Variants in AGPAT4 observed in about 807,000 individuals in gnomAD.
AGPAT4 encodes the protein 1-acylglycerol-3-phosphate O-acyltransferase 4.
A neutral mutation model predicts 48.0 loss-of-function variants in AGPAT4; 15 were observed. That is an observed-to-expected ratio of 0.31 (90% confidence interval 0.21 to 0.48). The LOEUF is 0.48. AGPAT4 is among the 20% of genes least tolerant of loss of function. The pLI is 0.99. For synonymous variants in AGPAT4, 178 were observed against 198.7 expected (o/e 0.90, Z 0.88); for missense variants, 314 against 482.5 (o/e 0.65, Z 3.27).
chr6:161,156,734 A>T (rs1310454633), intron 3 of AGPAT4, among the ~76,000 whole-genome samples: 1 of 152,266 alleles, frequency 6.6e-6, no homozygotes, highest in African/African-American at 2.4e-5. Context: ...CATGATGGCC[A>T]TAACACCCAC....
chr6:161,267,124 T>C lies in AGPAT4; in HGVS notation c.-90+6814A>G, dbSNP rs1211118904. On this transcript the variant is annotated intron_variant, in intron 1 of 8. Coordinates refer to ENST00000320285, the MANE Select transcript of AGPAT4 (RefSeq NM_020133.3). This position sits in a 1 kb window ranked among gnomAD's most constrained non-coding sequence, Gnocchi z 5.2. The stretch of plus-strand genomic sequence containing the variant: ...GCAGCTGCTCAGTCAAGTTCAATCC[T>C]GGGTTACACATTGGTTTTGAGAAGA... Among the ~76,000 whole-genome samples the C allele has an allele frequency of 6.6e-6, 1 of 152,206 alleles. No individual in the cohort carries two copies. The highest frequency in any genetic ancestry group is 1.5e-5 in the Non-Finnish European group (1 of 68,026).
Position 161,148,406 on chromosome 6 carries a change from T to A in AGPAT4, c.767+781A>T, listed in dbSNP as rs764727621. On this transcript the variant is annotated intron_variant, in intron 6 of 8. Transcript: ENST00000320285. This position sits in a 1 kb window ranked among gnomAD's most constrained non-coding sequence, Gnocchi z 5.5. The stretch of plus-strand genomic sequence containing the variant: ...GAAAGCCTGGACGTTTGGTGTGGCC[T>A]GGTGGGAATGTAGGGCCCCTGGATT... 5.9e-5 allele frequency among the ~76,000 whole-genome samples: 9 copies of A among 152,234 alleles called. No individual in the cohort carries two copies. The highest frequency in any genetic ancestry group is 1.3e-4 in the Non-Finnish European group (9 of 68,034).
In AGPAT4 at chr6:161,198,727, T is replaced by C. The variant is rs570516564; in HGVS notation, c.179-32310A>G. 6.0e-5 allele frequency among the ~76,000 whole-genome samples: 9 copies of C among 150,740 alleles called. No homozygotes were observed. In the South Asian group the frequency reaches 1.9e-3, roughly 31 times the overall value. On this transcript the variant is annotated intron_variant, in intron 2 of 8. Transcript: ENST00000320285. The surrounding 1 kb of genome is among the most constrained non-coding windows in gnomAD (Gnocchi z 4.3). ...CACATGTAGAAGGAACTCCGCAGAG[T>C]GCTGGGAACACTATATGCAGTCTGT...
intron 5 of AGPAT4, among the ~76,000 whole-genome samples, chr6:161,150,626 T>C (rs1164694361): frequency 1.3e-5 from 2 of 152,200 alleles, no homozygotes; most frequent in Non-Finnish European, 2.9e-5. Context: ...TCTGCTGCCC[T>C]GCAGGAGAGC....
In AGPAT4 at chr6:161,144,459, A is replaced by G. The variant is rs924798599; in HGVS notation, c.843+2065T>C. ...TTAAATGTGAACATAGTTTAGAGGA[A>G]AACACCCTAAGAGACTTTTAACAAG... On this transcript the variant is annotated intron_variant, in intron 7 of 8. Coordinates refer to ENST00000320285, the MANE Select transcript of AGPAT4 (RefSeq NM_020133.3). The surrounding 1 kb of genome is among the most constrained non-coding windows in gnomAD (Gnocchi z 6.6). 9.2e-5 allele frequency among the ~76,000 whole-genome samples: 14 copies of G among 152,152 alleles called. No individual in the cohort carries two copies. Among genetic ancestry groups the G allele is most frequent in the African/African-American group, 3.4e-4 (14 of 41,438 alleles).
At position 161,140,177 on chromosome 6, in the gene AGPAT4, A is replaced by T. The variant is rs1779205728; in HGVS notation, c.844-557T>A. Among the ~76,000 whole-genome samples, 8 of 152,236 alleles carry T rather than the reference A, an allele frequency of 5.3e-5. No individual in the cohort carries two copies. The South Asian group carries it at 1.7e-3, about 32-fold the overall frequency. On this transcript the variant is annotated intron_variant, in intron 7 of 8. Transcript: ENST00000320285. The surrounding 1 kb of genome is among the most constrained non-coding windows in gnomAD (Gnocchi z 6.5). ...CACCTACCACCCTGTTTGCCACTGG[A>T]GGGCTCTGAGGGCCGTGATTCAAGG...
In AGPAT4 at chr6:161,244,224, G is replaced by T. The variant is rs1394425547; in HGVS notation, c.-89-11922C>A. On this transcript the variant is annotated intron_variant, in intron 1 of 8. Transcript: ENST00000320285. The surrounding 1 kb of genome is among the most constrained non-coding windows in gnomAD (Gnocchi z 4.7). ...CAAATACAGAAGACGCAAAGAACAG[G>T]TAGGTCACAGTGCCGTCTGCCTCCC... 2.0e-5 allele frequency among the ~76,000 whole-genome samples: 3 copies of T among 152,174 alleles called. No individual in the cohort carries two copies. Among genetic ancestry groups the T allele is most frequent in the Non-Finnish European group, 4.4e-5 (3 of 68,040 alleles).
intron 2 of AGPAT4, among the ~76,000 whole-genome samples, chr6:161,172,596 C>T (rs1486965557): frequency 1.3e-5 from 2 of 152,156 alleles, no homozygotes; most frequent in Non-Finnish European, 2.9e-5. Context: ...AGGGCTTCTT[C>T]AATATCATAT....
chr6:161,151,347 G>A lies in AGPAT4; in HGVS notation c.664+1999C>T, dbSNP rs140913636. On this transcript the variant is annotated intron_variant, in intron 5 of 8. Transcript: ENST00000320285. ...TGGCGTGCCAGACGCGCCCGAGACC[G>A]GTGTTGGCTGTTCTTGGAGACAGCC... 1.8e-4 allele frequency among the ~76,000 whole-genome samples: 27 copies of A among 152,366 alleles called. No homozygotes were observed. The Middle Eastern group carries it at 0.01, about 58-fold the overall frequency.
intron 1 of AGPAT4, among the ~76,000 whole-genome samples, chr6:161,248,700 A>C (rs191108648): frequency 6.6e-4 from 101 of 152,224 alleles, no homozygotes; most frequent in Non-Finnish European, 1.3e-3. Flanking sequence ...AATATTCCAT[A>C]CTCGTGGATA....
chr6:161,133,066 A>T lies in AGPAT4; in HGVS notation c.*3474T>A, dbSNP rs1295604923. 6.6e-6 allele frequency: 1 copy of T among 152,250 alleles called. No individual in the cohort carries two copies. The highest frequency in any genetic ancestry group is 1.5e-5 in the Non-Finnish European group (1 of 68,040). The allele number at this position is 152,250 out of a possible 1,614,324, so 9.4% of individuals were successfully genotyped here. On this transcript the variant is annotated 3_prime_UTR_variant, in exon 9 of 9. Transcript: ENST00000320285. ...GGACCACTGCTTTAGAGAAAGCTGGATTAAATCTCTTGAGCAGAAGTAGAG... is the reference window on the plus strand; with the variant it reads ...GGACCACTGCTTTAGAGAAAGCTGGTTTAAATCTCTTGAGCAGAAGTAGAG...
At chr6:161,153,621 C>T in intron 4 of AGPAT4, 122 bp from the exon 5 acceptor site, 1 of 1,229,614 alleles carries the variant, frequency 8.1e-7, no homozygotes, top group Non-Finnish European at 1.1e-6. Context: ...TCACACAGGG[C>T]CCCATGGTTA....
rs1782290689 is a variant in AGPAT4, at chr6:161,236,760, G to A, written c.-89-4458C>T. On this transcript the variant is annotated intron_variant, in intron 1 of 8. Transcript: ENST00000320285. The surrounding 1 kb of genome is among the most constrained non-coding windows in gnomAD (Gnocchi z 5.0). The stretch of plus-strand genomic sequence containing the variant: ...AAATACAAAAAAAAAAAAATAGCTG[G>A]ATGTGGTGGTGGGTGTCTGTAATCC... Among the ~76,000 whole-genome samples, 1 of 151,934 alleles carries A rather than the reference G, an allele frequency of 6.6e-6. No individual in the cohort carries two copies. Among genetic ancestry groups the A allele is most frequent in the Admixed American group, 6.6e-5 (1 of 15,254 alleles).
Position 161,200,617 on chromosome 6 carries a change from C to T in AGPAT4, c.178+31419G>A, listed in dbSNP as rs1351727208. ...GGATTACTCTAGAAAGAATTATTGG[C>T]ACCTCTTCTTTTCTTCAATAATCAT... is the stretch of plus-strand genomic sequence containing the variant. On this transcript the variant is annotated intron_variant, in intron 2 of 8. Coordinates refer to ENST00000320285, the MANE Select transcript of AGPAT4 (RefSeq NM_020133.3). The surrounding 1 kb of genome is among the most constrained non-coding windows in gnomAD (Gnocchi z 5.5). Among the ~76,000 whole-genome samples, 1 of 152,160 alleles carries T rather than the reference C, an allele frequency of 6.6e-6. No homozygotes were observed. The highest frequency in any genetic ancestry group is 1.5e-5 in the Non-Finnish European group (1 of 68,018).
chr6:161,273,415 A>G (rs759336971), intron 1 of AGPAT4, among the ~76,000 whole-genome samples: 1 of 152,216 alleles, frequency 6.6e-6, no homozygotes, highest in Non-Finnish European at 1.5e-5. Context: ...AGCAGAGCAG[A>G]AAGCTGCAAA....
rs1781716661 is a variant in AGPAT4, at chr6:161,218,482, CAATTT to C, written c.178+13549_178+13553del. Among the ~76,000 whole-genome samples, 1 of 152,168 alleles carries C rather than the reference CAATTT, an allele frequency of 6.6e-6. No individual in the cohort carries two copies. The highest frequency in any genetic ancestry group is 1.5e-5 in the Non-Finnish European group (1 of 68,030). On this transcript the variant is annotated intron_variant, in intron 2 of 8. Transcript: ENST00000320285. This position sits in a 1 kb window ranked among gnomAD's most constrained non-coding sequence, Gnocchi z 4.7. ...TACTTTACGTTTGTCTAGCACCTTA[CAATTT>C]ATTTCCCTCATCTTACAATTAAAAA...
intron 2 of AGPAT4, among the ~76,000 whole-genome samples, chr6:161,205,335 G>A (rs1781351576): frequency 6.6e-6 from 1 of 152,116 alleles, no homozygotes; most frequent in South Asian, 2.1e-4. Context: ...AGGACACAGG[G>A]CATTCTTAAG....
intron 8 of AGPAT4, 37 bp from the exon 9 acceptor site, chr6:161,136,671 A>G (rs6455706): frequency 1 from 1,586,138 of 1,587,006 alleles, 792,635 homozygotes; most frequent in East Asian, 1. Flanking sequence ...GGAGTAGCCC[A>G]AACAGACTAC....
At chr6:161,209,896 G>A (rs898954142) in intron 2 of AGPAT4, among the ~76,000 whole-genome samples, 2 of 152,172 alleles carry the variant, frequency 1.3e-5, no homozygotes, top group African/African-American at 4.8e-5. Context: ...TCACACCACA[G>A]AGACATAGAT....
Sources: gnomAD v4.1 joint callset for allele counts (sites outside exome capture counted in the v4.1 genomes callset) on GRCh38, gnomAD v4.1.1 for gene constraint, Gnocchi (gnomAD v3.1) non-coding constraint, MANE v1.5 for transcripts, NCBI Gene and HGNC (gene_info 2026-07-23, HGNC 2026-07-21) for gene names.